Variants in OR7E24 observed in about 807,000 individuals in gnomAD.
OR7E24 encodes the protein olfactory receptor family 7 subfamily E member 24.
For synonymous variants in OR7E24, 130 were observed against 157.5 expected, an observed-to-expected ratio of 0.83 and a Z score of 1.31; for missense variants, 385 against 410.3, an observed-to-expected ratio of 0.94 and a Z score of 0.53.
the OR7E24 span, chr19:9,213,901 A>G: frequency 6.2e-7 from 1 of 1,612,276 alleles, no homozygotes; most frequent in African/African-American, 1.3e-5. Flanking sequence ...CTGATTTGTC[A>G]TGGACAAGAG....
upstream of OR7E24, among the ~76,000 whole-genome samples, chr19:9,244,955 G>A (rs1373474711): frequency 6.6e-6 from 1 of 152,266 alleles, no homozygotes; most frequent in East Asian, 1.9e-4. Flanking sequence ...TATAATCCCA[G>A]CACTCTGGGA....
At chr19:9,238,300 CA>C in the OR7E24 span, among the ~76,000 whole-genome samples, 2 of 151,862 alleles carry the variant, frequency 1.3e-5, no homozygotes, top group South Asian at 4.2e-4. Context: ...CAAAAATAAA[CA>C]AAAAAACAAT....
At chr19:9,208,714 CAG>C in the OR7E24 span, 12 of 98,398 alleles carry the variant, frequency 1.2e-4, no homozygotes, top group African/African-American at 7.4e-4. Flanking sequence ...TTTTTTGAGA[CAG>C]AGTCTTGCTC....
the OR7E24 span, among the ~76,000 whole-genome samples, chr19:9,232,813 T>C: frequency 6.6e-6 from 1 of 151,626 alleles, no homozygotes; most frequent in African/African-American, 2.4e-5. Context: ...ACCTCAGGTA[T>C]TACCCCAAAC....
chr19:9,238,765 C>T, the OR7E24 span, among the ~76,000 whole-genome samples: 1 of 152,168 alleles, frequency 6.6e-6, no homozygotes, highest in Non-Finnish European at 1.5e-5. Context: ...CATGTGAGTT[C>T]ATGCAGTATT....
upstream of OR7E24, among the ~76,000 whole-genome samples, chr19:9,245,967 G>C (rs1317733967): frequency 6.6e-6 from 1 of 151,126 alleles, no homozygotes; most frequent in Non-Finnish European, 1.5e-5. Context: ...GACTGTTGCT[G>C]GTGAATCCTT....
At chr19:9,211,741 C>G in the OR7E24 span, 1 of 136,276 alleles carries the variant, frequency 7.3e-6, no homozygotes, top group Non-Finnish European at 1.5e-5. Flanking sequence ...CGCCACTGTG[C>G]TCTAGCCTGG....
At chr19:9,247,539 G>A (rs1232995434), upstream of OR7E24, 1 of 398,612 alleles carries the variant, frequency 2.5e-6, no homozygotes, top group African/African-American at 2.1e-5. Flanking sequence ...GGGACGGTTG[G>A]GAGCCTTGTT....
At chr19:9,209,843 C>T in the OR7E24 span, 2 of 152,002 alleles carry the variant, frequency 1.3e-5, no homozygotes, top group African/African-American at 2.4e-5. Flanking sequence ...TTATTAGAGA[C>T]AGGGTTTCAT....
At chr19:9,216,507 T>G in the OR7E24 span, among the ~76,000 whole-genome samples, 1 of 152,064 alleles carries the variant, frequency 6.6e-6, no homozygotes, top group Non-Finnish European at 1.5e-5. Context: ...TATTGAAGAG[T>G]GAAATTAAAT....
rs2066151639 is a variant in OR7E24 at position 9,252,058 on chromosome 19, G to C, written c.1015G>C (p.Gly339Arg). The C allele has an allele frequency of 6.2e-7, 1 of 1,610,386 alleles. No homozygotes were observed. The highest frequency in any genetic ancestry group is 1.3e-5 in the African/African-American group (1 of 74,936). The change falls in exon 1 of 1, where the codon GGA (glycine) becomes CGA (arginine). Residue 339 changes from glycine to arginine, a missense_variant. Physicochemically the swap from Gly to Arg is moderately radical, Grantham distance 125. Transcript: ENST00000456448. ...SHHLHPFCYM[G>R] ...TCATCTCCATCCTTTTTGTTATATG[G>C]GATAGAAATGGCAGCAAAATTTAAC...
chr19:9,244,351 T>C (rs1007361894), upstream of OR7E24, among the ~76,000 whole-genome samples: 1 of 152,118 alleles, frequency 6.6e-6, no homozygotes, highest in African/African-American at 2.4e-5. Context: ...TAAAGACACA[T>C]ATACAGAAAA....
the OR7E24 span, among the ~76,000 whole-genome samples, chr19:9,217,965 A>G: frequency 3.9e-5 from 6 of 152,198 alleles, no homozygotes; most frequent in South Asian, 1.2e-3. Flanking sequence ...TGCCAGTGAG[A>G]TGGGGAGCAG....
chr19:9,235,168 T>G, the OR7E24 span: 1 of 1,299,090 alleles, frequency 7.7e-7, no homozygotes, highest in Non-Finnish European at 1.1e-6. Context: ...CCTTACAGAA[T>G]TATCAGAATT....
At chr19:9,225,996 G>A in the OR7E24 span, among the ~76,000 whole-genome samples, 5 of 152,156 alleles carry the variant, frequency 3.3e-5, no homozygotes, top group South Asian at 2.1e-4. Context: ...CTCCCATCAC[G>A]GCTAGAACAC....
the OR7E24 span, chr19:9,213,863 C>T: frequency 1.5e-5 from 22 of 1,443,196 alleles, no homozygotes; most frequent in East Asian, 9.1e-5. Flanking sequence ...CTTAGGGGTA[C>T]GCAGTGTGTC....
At chr19:9,225,358 G>A in the OR7E24 span, among the ~76,000 whole-genome samples, 2 of 114,128 alleles carry the variant, frequency 1.8e-5, no homozygotes, top group South Asian at 3.0e-4. Context: ...CAACAAGAGC[G>A]AAACTCAAGA....
the OR7E24 span, chr19:9,214,547 G>A: frequency 4.2e-5 from 67 of 1,614,050 alleles, no homozygotes; most frequent in Non-Finnish European, 5.2e-5. Flanking sequence ...CCTGAGTGAG[G>A]CACCCCATGT....
chr19:9,215,135 G>A, the OR7E24 span, among the ~76,000 whole-genome samples: 1 of 152,122 alleles, frequency 6.6e-6, no homozygotes. Context: ...ACGAGGTCAA[G>A]AGATTGAGAC....
Sources: allele counts gnomAD v4.1 joint callset (sites outside exome capture counted in the v4.1 genomes callset), GRCh38; gene constraint gnomAD v4.1.1; transcripts MANE v1.5; gene names NCBI Gene and HGNC (gene_info 2026-07-23, HGNC 2026-07-21).